TYW1B: variants seen among roughly 807,000 people sequenced by gnomAD.
The protein encoded by TYW1B is tRNA-yW synthesizing protein 1 homolog B.
Under a neutral mutation model 86.9 loss-of-function variants are expected in TYW1B, and 73 were observed. The observed-to-expected ratio is 0.84, with a 90% CI of 0.70 to 1.02. TYW1B has a LOEUF of 1.02. Ranked by LOEUF, TYW1B falls within the 50% of genes least tolerant of loss-of-function variation. The pLI is 0.00. For missense variants in TYW1B, 637 were observed against 827.4 expected, an observed-to-expected ratio of 0.77 and a Z score of 2.82; for synonymous variants, 248 against 292.8, an observed-to-expected ratio of 0.85 and a Z score of 1.56.
intron 13 of TYW1B, among the ~76,000 whole-genome samples, chr7:72,576,755 G>A (rs1421234520): frequency 5.3e-5 from 8 of 151,784 alleles, no homozygotes; most frequent in Non-Finnish European, 8.8e-5. Flanking sequence ...CTCGTGATCC[G>A]CCGGCCTCGG....
intron 6 of TYW1B, among the ~76,000 whole-genome samples, chr7:72,781,979 T>A (rs1204440188): frequency 6.6e-6 from 1 of 152,248 alleles, no homozygotes; most frequent in African/African-American, 2.4e-5. Context: ...TATTTGTTTT[T>A]GTTTTAAATA....
intron 11 of TYW1B, among the ~76,000 whole-genome samples, chr7:72,638,421 C>T (rs192423866): frequency 6.6e-6 from 1 of 152,176 alleles, no homozygotes; most frequent in Non-Finnish European, 1.5e-5. Flanking sequence ...AGGAAAATCA[C>T]GTGATTATAT....
chr7:72,641,139 C>CA (rs1257443952), intron 11 of TYW1B, among the ~76,000 whole-genome samples: 1 of 151,474 alleles, frequency 6.6e-6, no homozygotes, highest in African/African-American at 2.4e-5. Context: ...AACTATATAC[C>CA]AAAAAAAGTG....
chr7:72,824,144 T>C (rs1788883256), intron 2 of TYW1B, among the ~76,000 whole-genome samples: 1 of 152,110 alleles, frequency 6.6e-6, no homozygotes, highest in Non-Finnish European at 1.5e-5. Flanking sequence ...GCAAAGTATC[T>C]GCACTCAAGT....
intron 13 of TYW1B, among the ~76,000 whole-genome samples, chr7:72,586,120 C>T (rs1811269855): frequency 6.6e-6 from 1 of 152,210 alleles, no homozygotes; most frequent in Non-Finnish European, 1.5e-5. Context: ...GGAGGACACA[C>T]ATTAACGCTA....
intron 6 of TYW1B, among the ~76,000 whole-genome samples, chr7:72,778,361 A>T (rs1554471025): frequency 1.3e-5 from 2 of 152,176 alleles, no homozygotes; most frequent in South Asian, 2.1e-4. Flanking sequence ...AAAAACAAAT[A>T]AAAAAAGTAA....
chr7:72,625,075 A>T lies in TYW1B; in HGVS notation c.1617+3812T>A, dbSNP rs868979192. Reference sequence around the variant, plus strand: ...ACCTGTCTCAAAAAAAAAAAAAAAAATTTAATTGTGGTTATACATTTCTCC... The same window carrying T: ...ACCTGTCTCAAAAAAAAAAAAAAAATTTTAATTGTGGTTATACATTTCTCC... On this transcript the variant is annotated intron_variant, in intron 12 of 13. Transcript: ENST00000620995. Among the ~76,000 whole-genome samples, 910 of 145,614 alleles carry T rather than the reference A, an allele frequency of 6.2e-3. 9 individuals are homozygous for T. Among genetic ancestry groups the T allele is most frequent in the African/African-American group, 0.019 (732 of 38,244 alleles).
intron 11 of TYW1B, among the ~76,000 whole-genome samples, chr7:72,648,647 C>A (rs1400067341): frequency 6.6e-6 from 1 of 151,890 alleles, no homozygotes; most frequent in East Asian, 1.9e-4. Context: ...AGATCATGCA[C>A]ATCAACTGAA....
chr7:72,639,865 CAAA>C (rs34283765), intron 11 of TYW1B, among the ~76,000 whole-genome samples: 9 of 109,282 alleles, frequency 8.2e-5, no homozygotes, highest in Non-Finnish European at 8.1e-5. Context: ...GACTCCATCT[CAAA>C]AAAAAAAAAA....
chr7:72,709,695 G>A (rs1356201777), intron 10 of TYW1B, among the ~76,000 whole-genome samples: 1 of 151,934 alleles, frequency 6.6e-6, no homozygotes, highest in Non-Finnish European at 1.5e-5. Context: ...TTCCAAAAGC[G>A]TAACCTCTAT....
intron 5 of TYW1B, 82 bp from the exon 6 acceptor site, chr7:72,802,604 T>G (rs1788421657): frequency 6.4e-7 from 1 of 1,551,708 alleles, no homozygotes; most frequent in African/African-American, 1.4e-5. Flanking sequence ...CACTGAGAAT[T>G]CACTATGTCT....
At chr7:72,749,646 AG>A in intron 7 of TYW1B, among the ~76,000 whole-genome samples, 1 of 151,798 alleles carries the variant, frequency 6.6e-6, no homozygotes, top group South Asian at 2.1e-4. Flanking sequence ...TCAAAGAACT[AG>A]CTTTTTGTTT....
chr7:72,578,343 C>G (rs560213317), intron 13 of TYW1B, among the ~76,000 whole-genome samples: 1 of 152,284 alleles, frequency 6.6e-6, no homozygotes, highest in South Asian at 2.1e-4. Context: ...TCTCGATCTC[C>G]TGACCTCGTG....
chr7:72,635,688 C>T (rs575799976), intron 11 of TYW1B, among the ~76,000 whole-genome samples: 10 of 152,304 alleles, frequency 6.6e-5, no homozygotes, highest in African/African-American at 1.7e-4. Flanking sequence ...TTTCCATAAA[C>T]GTATACAACC....
chr7:72,779,298 C>T (rs565567461), intron 6 of TYW1B, among the ~76,000 whole-genome samples: 72 of 152,318 alleles, frequency 4.7e-4, no homozygotes, highest in African/African-American at 1.6e-3. Context: ...CAAAGGGTAC[C>T]TAGGGGAGGA....
intron 13 of TYW1B, among the ~76,000 whole-genome samples, chr7:72,604,802 G>GGTCA (rs1554434477): frequency 6.6e-6 from 1 of 152,116 alleles, no homozygotes; most frequent in African/African-American, 2.4e-5. Context: ...AGGCAACTGT[G>GGTCA]GTCATCTCCT....
At chr7:72,596,179 C>CAAAAAAAAAAAAAAAAAAAAAAAAA (rs58325295) in intron 13 of TYW1B, among the ~76,000 whole-genome samples, 1 of 56,378 alleles carries the variant, frequency 1.8e-5, no homozygotes. Context: ...AACTCTGTCT[C>CAAAAAAAAAAAAAAAAAAAAAAAAA]AAAAAAAAAA....
intron 13 of TYW1B, among the ~76,000 whole-genome samples, chr7:72,603,960 C>T (rs1811737326): frequency 6.6e-6 from 1 of 152,028 alleles, no homozygotes; most frequent in Non-Finnish European, 1.5e-5. Context: ...AGAAAAAGGA[C>T]ATTAGGTAAA....
intron 13 of TYW1B, among the ~76,000 whole-genome samples, chr7:72,587,730 C>A (rs572114032): frequency 6.6e-6 from 1 of 152,274 alleles, no homozygotes; most frequent in Admixed American, 6.5e-5. Flanking sequence ...TTTCTTAGTC[C>A]TACAAACGCC....
Sources: allele counts gnomAD v4.1 joint callset (sites outside exome capture counted in the v4.1 genomes callset), GRCh38; gene constraint gnomAD v4.1.1; transcripts MANE v1.5; gene names NCBI Gene and HGNC (gene_info 2026-07-23, HGNC 2026-07-21).